The following COL6A5 variants were observed in gnomAD, a reference collection of about 807,000 sequenced individuals.
COL6A5 encodes the protein collagen type VI alpha 5 chain, also known as collagen alpha-5(VI) chain.
A neutral mutation model predicts 65.6 loss-of-function variants in COL6A5; 48 were observed. That is an observed-to-expected ratio of 0.73 (90% CI 0.58 to 0.93). The LOEUF (loss-of-function observed/expected upper bound fraction) is 0.93, where lower values mean the gene tolerates loss of function less well. Ranked by LOEUF, COL6A5 falls within the 40% of genes least tolerant of loss-of-function variation. The pLI, the probability that COL6A5 is intolerant of heterozygous loss-of-function variation, is 0.00. For synonymous variants in COL6A5, 291 were observed against 322.8 expected (o/e 0.90, Z 1.05); for missense variants, 914 against 928.3 (o/e 0.98, Z 0.20).
chr3:130,356,552 C>T (rs1934932843), intron 1 of COL6A5, among the ~76,000 whole-genome samples: 1 of 150,780 alleles, frequency 6.6e-6, no homozygotes, highest in African/African-American at 2.4e-5. Flanking sequence ...ATTACTTTTG[C>T]ACCGACCTAA....
intron 4 of COL6A5, among the ~76,000 whole-genome samples, chr3:130,446,188 C>T (rs1709298816): frequency 6.6e-6 from 1 of 152,138 alleles, no homozygotes; most frequent in South Asian, 2.1e-4. Context: ...GTGCCTTCTT[C>T]TCCTGGTTGA....
At chr3:130,429,734 C>A, upstream of COL6A5, 1 of 643,314 alleles carries the variant, frequency 1.6e-6, no homozygotes, top group Non-Finnish European at 2.5e-6. Context: ...CTGTAATTGT[C>A]AGTGTCATGA....
intron 22 of COL6A5, among the ~76,000 whole-genome samples, chr3:130,414,457 G>T (rs981227930): frequency 3.3e-5 from 5 of 152,078 alleles, no homozygotes; most frequent in African/African-American, 1.2e-4. Context: ...CATAGCTGGG[G>T]TCCTGCATAC....
intron 1 of COL6A5, among the ~76,000 whole-genome samples, chr3:130,358,294 T>C (rs1283992980): frequency 6.6e-6 from 1 of 152,130 alleles, no homozygotes; most frequent in Non-Finnish European, 1.5e-5. Flanking sequence ...TAATAAAAGG[T>C]ATATACATTG....
chr3:130,465,315 C>T (rs1320503622), intron 5 of COL6A5, among the ~76,000 whole-genome samples: 1 of 151,960 alleles, frequency 6.6e-6, no homozygotes. Context: ...TGGAGGGTCT[C>T]GCTGGGTTAT....
At chr3:130,376,746 A>G (rs1935793616) in exon 3 of COL6A5, 1 of 1,613,592 alleles carries the variant, frequency 6.2e-7, no homozygotes, top group African/African-American at 1.3e-5. Flanking sequence ...TCGGACAATC[A>G]GAGACCTCAG....
intron 22 of COL6A5, 68 bp downstream of exon 22, chr3:130,414,199 A>G: frequency 8.2e-7 from 1 of 1,215,666 alleles, no homozygotes; most frequent in Non-Finnish European, 1.2e-6. Context: ...GAAGGCAGGT[A>G]TTTCTGTATA....
At chr3:130,452,266 A>G (rs1207367054) in intron 4 of COL6A5, among the ~76,000 whole-genome samples, 1 of 152,136 alleles carries the variant, frequency 6.6e-6, no homozygotes, top group Non-Finnish European at 1.5e-5. Context: ...GGGTTCCCTC[A>G]TGCACTTAGG....
At chr3:130,457,386 C>T (rs1161783741) in intron 5 of COL6A5, among the ~76,000 whole-genome samples, 2 of 151,946 alleles carry the variant, frequency 1.3e-5, no homozygotes, top group Non-Finnish European at 2.9e-5. Context: ...CAAAGAAGGC[C>T]ATCTTTGCAT....
exon 21 of COL6A5, chr3:130,413,554 G>A: frequency 6.5e-7 from 1 of 1,549,134 alleles, no homozygotes; most frequent in Non-Finnish European, 8.7e-7. Flanking sequence ...GGGAAGAGAA[G>A]GTCAAAGGGG....
chr3:130,362,326 A>ATATATATATATATATAT (rs1935166422), intron 1 of COL6A5, among the ~76,000 whole-genome samples: 1 of 4,672 alleles, frequency 2.1e-4, no homozygotes, highest in African/African-American at 4.8e-4. Context: ...ATATATATAT[A>ATATATATATATATATAT]TTTTTTTTTT....
At chr3:130,441,390 C>T (rs939587529) in intron 3 of COL6A5, among the ~76,000 whole-genome samples, 2 of 152,132 alleles carry the variant, frequency 1.3e-5, no homozygotes, top group South Asian at 4.1e-4. Context: ...TAGGCCAGTG[C>T]ACTACAAAGG....
chr3:130,374,541 C>T (rs1321964032), intron 2 of COL6A5, among the ~76,000 whole-genome samples: 1 of 152,138 alleles, frequency 6.6e-6, no homozygotes, highest in Admixed American at 6.5e-5. Context: ...ACAACCTCTG[C>T]TCCCTCGGCT....
chr3:130,389,397 C>T (rs1356883645), intron 6 of COL6A5, among the ~76,000 whole-genome samples: 1 of 152,032 alleles, frequency 6.6e-6, no homozygotes, highest in African/African-American at 2.4e-5. Context: ...TTTAAACTTA[C>T]AAATCTTTAA....
At chr3:130,442,640 A>G (rs1309387759) in intron 3 of COL6A5, among the ~76,000 whole-genome samples, 1 of 152,170 alleles carries the variant, frequency 6.6e-6, no homozygotes, top group Non-Finnish European at 1.5e-5. Flanking sequence ...CCCCAATTCT[A>G]CAAGTTTTGG....
chr3:130,365,317 G>A (rs1458162795), intron 1 of COL6A5, among the ~76,000 whole-genome samples: 2 of 152,118 alleles, frequency 1.3e-5, no homozygotes, highest in Admixed American at 6.5e-5. Flanking sequence ...TCACTCTGTC[G>A]CCCAGGCTGG....
chr3:130,477,497 T>G (rs13072960), intron 7 of COL6A5, among the ~76,000 whole-genome samples: 8,757 of 152,214 alleles, frequency 0.058, 360 homozygotes, highest in Middle Eastern at 0.11. Context: ...GAATTTAATG[T>G]AGATATTTTT....
intron 2 of COL6A5, 82 bp from the exon 35 acceptor site, chr3:130,440,084 C>G: frequency 9.5e-7 from 1 of 1,054,500 alleles, no homozygotes; most frequent in South Asian, 1.7e-5. Context: ...GGTAATTAGT[C>G]ACTGAGTCAC....
At position 130,426,403 on chromosome 3, in the gene COL6A5, C is replaced by T. The variant is rs372137736; in HGVS notation, c.5236C>T (p.Pro1746Ser). 921 of 1,550,998 alleles carry T rather than the reference C, an allele frequency of 5.9e-4. 1 individual carries two copies. The highest frequency in any genetic ancestry group is 7.8e-4 in the Non-Finnish European group (891 of 1,146,556). Residue 1746 changes from proline to serine, a missense_variant and splice_region_variant and NMD_transcript_variant, in exon 31 of 42, where the codon CCT becomes TCT. Transcript: ENST00000312481. ...GATCCGGTTTTTGCGGGAACATAGT[C>T]GTGAGTATCTGTTACGGAACAAGAG...
Sources: gnomAD v4.1 joint callset for allele counts (sites outside exome capture counted in the v4.1 genomes callset) on GRCh38, gnomAD v4.1.1 for gene constraint, MANE v1.5 for transcripts, NCBI Gene and HGNC (gene_info 2026-07-23, HGNC 2026-07-21) for gene names.